The following PIK3C2G variants were observed in gnomAD, a reference collection of about 807,000 sequenced individuals.
PIK3C2G encodes the protein phosphatidylinositol-4-phosphate 3-kinase catalytic subunit type 2 gamma.
A neutral mutation model predicts 181.1 loss-of-function variants in PIK3C2G; 168 were observed. That is an observed-to-expected ratio of 0.93 (90% CI 0.82 to 1.05). PIK3C2G has a LOEUF of 1.05. Ranked by LOEUF, PIK3C2G falls within the 50% of genes least tolerant of loss-of-function variation. The probability of loss-of-function intolerance (pLI) is 0.00; values close to 1 mark genes in which losing one functional copy is unlikely to be tolerated. For synonymous variants in PIK3C2G, 573 were observed against 592.2 expected (o/e 0.97, Z 0.47); for missense variants, 1,869 against 1,732.8 (o/e 1.08, Z -1.40).
chr12:18,711,686 G>T, the PIK3C2G span, among the ~76,000 whole-genome samples: 1 of 151,932 alleles, frequency 6.6e-6, no homozygotes, highest in Non-Finnish European at 1.5e-5. Context: ...AGATGGGGAA[G>T]ATCGTGGCGA....
At chr12:18,607,671 A>G (rs1948104544) in intron 30 of PIK3C2G, among the ~76,000 whole-genome samples, 1 of 152,188 alleles carries the variant, frequency 6.6e-6, no homozygotes, top group Non-Finnish European at 1.5e-5. Context: ...ACCAAAAACA[A>G]TGGCAACAAA....
the PIK3C2G span, among the ~76,000 whole-genome samples, chr12:18,720,479 A>G: frequency 7.9e-5 from 12 of 151,366 alleles, no homozygotes; most frequent in Non-Finnish European, 1.6e-4. Flanking sequence ...TCTATCAAGC[A>G]GAAGACTGGC....
chr12:18,530,225 T>G (rs1187178598), intron 24 of PIK3C2G, among the ~76,000 whole-genome samples: 1 of 152,156 alleles, frequency 6.6e-6, no homozygotes, highest in Admixed American at 6.6e-5. Context: ...AATAAAAATC[T>G]CACACACTCT....
upstream of PIK3C2G, among the ~76,000 whole-genome samples, chr12:18,258,891 AT>A (rs567880112): frequency 6.6e-6 from 1 of 152,112 alleles, no homozygotes; most frequent in Non-Finnish European, 1.5e-5. Context: ...CTATTGATTC[AT>A]TTTTTCCCTC....
chr12:18,667,724 G>A, the PIK3C2G span, among the ~76,000 whole-genome samples: 1 of 152,066 alleles, frequency 6.6e-6, no homozygotes, highest in African/African-American at 2.4e-5. Flanking sequence ...TATGAAATAA[G>A]CAATAGTATT....
At chr12:18,427,489 C>T (rs1182152264) in intron 18 of PIK3C2G, among the ~76,000 whole-genome samples, 20 of 128,384 alleles carry the variant, frequency 1.6e-4, no homozygotes, top group African/African-American at 5.3e-4. Flanking sequence ...CTGACAACAG[C>T]GAGACTCCAT....
chr12:18,415,331 C>A (rs996630866), intron 16 of PIK3C2G, among the ~76,000 whole-genome samples: 1 of 152,170 alleles, frequency 6.6e-6, no homozygotes, highest in African/African-American at 2.4e-5. Flanking sequence ...TTATGGTGAT[C>A]TGTGATCAGC....
the PIK3C2G span, chr12:18,685,747 T>C: frequency 2.3e-6 from 1 of 433,160 alleles, no homozygotes; most frequent in East Asian, 6.2e-5. Flanking sequence ...GAAATGTTTA[T>C]ACTGATTTCT....
At chr12:18,372,255 C>T (rs1942119681) in intron 13 of PIK3C2G, among the ~76,000 whole-genome samples, 1 of 151,442 alleles carries the variant, frequency 6.6e-6, no homozygotes, top group East Asian at 1.9e-4. Flanking sequence ...TGTTTTCATG[C>T]TTTAGCCCAT....
At chr12:18,482,164 CCGCCACCCT>C (rs903860243) in intron 18 of PIK3C2G, among the ~76,000 whole-genome samples, 4 of 149,900 alleles carry the variant, frequency 2.7e-5, no homozygotes, top group African/African-American at 4.9e-5. Context: ...CACCCGCCCC[CCGCCACCCT>C]CGCACCCCTA....
chr12:18,288,054 C>T (rs906314581), intron 3 of PIK3C2G, among the ~76,000 whole-genome samples: 8 of 150,836 alleles, frequency 5.3e-5, no homozygotes, highest in Non-Finnish European at 8.9e-5. Flanking sequence ...CCCAGCTACT[C>T]GGGAGGCTGA....
At position 18,608,473 on chromosome 12, in the gene PIK3C2G, T is replaced by C. The variant is rs185463191; in HGVS notation, c.4088-1062T>C. ...ATGGCAAGGACAAAAGACCAAACAC[T>C]GCATGTTCTCACTCATAGGTGGGAA... On this transcript the variant is annotated intron_variant, in intron 30 of 32. Transcript: ENST00000538779. Among the ~76,000 whole-genome samples the C allele has an allele frequency of 2.7e-3, 396 of 145,918 alleles. 3 individuals carry two copies. The highest frequency in any genetic ancestry group is 2.1e-3 in the Non-Finnish European group (143 of 67,390).
rs1489797322 is a variant in PIK3C2G, at chr12:18,286,422, A to G, written c.679-425A>G. The stretch of plus-strand genomic sequence containing the variant: ...GGAATACTACTAATCAGCAATAACA[A>G]TGATAAACCTTTGATATGTGTGATA... On this transcript the variant is annotated intron_variant, in intron 2 of 32. Coordinates refer to ENST00000538779, the MANE Select transcript of PIK3C2G (RefSeq NM_001288772.2). 3.3e-5 allele frequency among the ~76,000 whole-genome samples: 5 copies of G among 152,244 alleles called. No individual in the cohort carries two copies. In the East Asian group the frequency reaches 9.6e-4, roughly 29 times the overall value.
the PIK3C2G span, among the ~76,000 whole-genome samples, chr12:18,674,023 G>T: frequency 6.6e-6 from 1 of 152,180 alleles, no homozygotes; most frequent in African/African-American, 2.4e-5. Flanking sequence ...AAAGGCAGTG[G>T]ATTACACAAA....
chr12:18,335,173 C>A (rs1303361886), intron 8 of PIK3C2G, among the ~76,000 whole-genome samples: 1 of 152,078 alleles, frequency 6.6e-6, no homozygotes, highest in East Asian at 1.9e-4. Flanking sequence ...TGGCTGCTAT[C>A]CAATGTCTGA....
intron 18 of PIK3C2G, among the ~76,000 whole-genome samples, chr12:18,467,470 A>G (rs2135961733): frequency 6.7e-6 from 1 of 148,814 alleles, no homozygotes; most frequent in South Asian, 2.1e-4. Context: ...TTTGTTTTAC[A>G]AAATTTTATT....
intron 14 of PIK3C2G, among the ~76,000 whole-genome samples, chr12:18,389,755 A>T (rs74070255): frequency 5.3e-5 from 8 of 152,304 alleles, no homozygotes; most frequent in African/African-American, 1.9e-4. Context: ...ATGCAATTTG[A>T]TAAAAGATCT....
the PIK3C2G span, among the ~76,000 whole-genome samples, chr12:18,689,513 T>G: frequency 1.3e-5 from 2 of 152,150 alleles, no homozygotes; most frequent in African/African-American, 2.4e-5. Flanking sequence ...ATAATTCCTC[T>G]TCTTCCAACG....
intron 30 of PIK3C2G, among the ~76,000 whole-genome samples, chr12:18,598,970 A>G (rs1184963457): frequency 1.3e-5 from 2 of 150,538 alleles, no homozygotes; most frequent in Non-Finnish European, 3.0e-5. Context: ...ACCAGTTAGA[A>G]TGGCAATCAT....
Sources: gnomAD v4.1 joint callset for allele counts (sites outside exome capture counted in the v4.1 genomes callset) on GRCh38, gnomAD v4.1.1 for gene constraint, MANE v1.5 for transcripts, NCBI Gene and HGNC (gene_info 2026-07-23, HGNC 2026-07-21) for gene names.